Variants in ERG observed in about 807,000 individuals in gnomAD.
ERG encodes ETS transcription factor ERG.
A neutral mutation model predicts 55.3 loss-of-function variants in ERG; 9 were observed. The ratio of observed to expected loss-of-function variants is 0.16; its 90% CI spans 0.10 to 0.28. ERG has a LOEUF of 0.28. ERG is among the 10% of genes least tolerant of loss of function. The probability of loss-of-function intolerance (pLI) is 1.00; values close to 1 mark genes in which losing one functional copy is unlikely to be tolerated. For synonymous variants in ERG, 223 were observed against 237.3 expected (o/e 0.94, Z 0.55); for missense variants, 434 against 631.6 (o/e 0.69, Z 3.35).
At chr21:38,451,591 G>T (rs2058942412) in intron 1 of ERG, among the ~76,000 whole-genome samples, 2 of 152,192 alleles carry the variant, frequency 1.3e-5, no homozygotes, top group Non-Finnish European at 2.9e-5. Flanking sequence ...GCTGTCGCAG[G>T]CTCTATTGTT....
At position 38,438,239 on chromosome 21, in the gene ERG, G is replaced by A. The variant is rs1201183328; in HGVS notation, c.236+7165C>T. 3.3e-5 allele frequency among the ~76,000 whole-genome samples: 5 copies of A among 152,054 alleles called. No homozygotes were observed. In the East Asian group the frequency reaches 7.7e-4, roughly 23 times the overall value. On this transcript the variant is annotated intron_variant, in intron 2 of 9. Coordinates refer to ENST00000288319, the MANE Select transcript of ERG (RefSeq NM_182918.4). ...GCCACCTTCTTTAGAGCTGCCATCC[G>A]CTTCACGTCTTTATTTTTCTCCTTA...
At chr21:38,605,751 C>A (rs995612877) in intron 1 of ERG, among the ~76,000 whole-genome samples, 2 of 152,060 alleles carry the variant, frequency 1.3e-5, no homozygotes, top group Non-Finnish European at 2.9e-5. Flanking sequence ...CCTAAGGCTA[C>A]GTGCAGCAAA....
intron 8 of ERG, among the ~76,000 whole-genome samples, chr21:38,391,445 T>C (rs920483132): frequency 2.8e-4 from 42 of 152,222 alleles, no homozygotes; most frequent in African/African-American, 9.4e-4. Context: ...AGAATTTTTT[T>C]CCCTATTTAT....
intron 9 of ERG, among the ~76,000 whole-genome samples, chr21:38,390,037 C>T (rs559553384): frequency 2.0e-5 from 3 of 152,198 alleles, no homozygotes; most frequent in South Asian, 2.1e-4. Flanking sequence ...CACATTCCAT[C>T]TTGTGCTTGC....
At chr21:38,645,770 C>T (rs187548709) in intron 1 of ERG, among the ~76,000 whole-genome samples, 15 of 152,298 alleles carry the variant, frequency 9.8e-5, no homozygotes, top group African/African-American at 3.1e-4. Context: ...AAATGTATGT[C>T]CCTTTTACAT....
At chr21:38,493,746 C>T (rs901177588) in intron 1 of ERG, among the ~76,000 whole-genome samples, 3 of 152,166 alleles carry the variant, frequency 2.0e-5, no homozygotes, top group Admixed American at 1.3e-4. Flanking sequence ...CCACCTGCCC[C>T]TGTGTGTGGT....
At chr21:38,530,656 A>G (rs1410695601) in intron 2 of ERG, among the ~76,000 whole-genome samples, 2 of 152,204 alleles carry the variant, frequency 1.3e-5, no homozygotes, top group African/African-American at 4.8e-5. Flanking sequence ...ATTAGGCGAC[A>G]TCTTCATTTC....
intron 1 of ERG, among the ~76,000 whole-genome samples, chr21:38,606,575 T>C (rs926540844): frequency 3.9e-5 from 6 of 152,138 alleles, no homozygotes; most frequent in African/African-American, 1.4e-4. Context: ...CCAAACAGCA[T>C]GGATAAAAGA....
upstream of ERG, among the ~76,000 whole-genome samples, chr21:38,499,579 C>T (rs917426971): frequency 2.0e-5 from 3 of 151,998 alleles, no homozygotes; most frequent in Admixed American, 6.6e-5. Context: ...CAGAGCTGGA[C>T]GTTCAGTAAA....
At chr21:38,468,151 G>A (rs1357068909) in intron 1 of ERG, among the ~76,000 whole-genome samples, 1 of 152,150 alleles carries the variant, frequency 6.6e-6, no homozygotes, top group Admixed American at 6.5e-5. Context: ...AAAGCCCTTA[G>A]GTGGAATGAG....
intron 5 of ERG, among the ~76,000 whole-genome samples, chr21:38,400,870 C>A (rs1017422297): frequency 6.6e-6 from 1 of 152,028 alleles, no homozygotes; most frequent in South Asian, 2.1e-4. Flanking sequence ...TGCTATAAAG[C>A]GTTTTGTGTT....
intron 3 of ERG, among the ~76,000 whole-genome samples, chr21:38,421,235 T>C (rs1486322990): frequency 1.3e-5 from 2 of 152,198 alleles, no homozygotes; most frequent in Non-Finnish European, 1.5e-5. Context: ...TCTGTACCTG[T>C]CAACTGCCTT....
chr21:38,429,539 A>G (rs1176821675), intron 2 of ERG, among the ~76,000 whole-genome samples: 1 of 75,832 alleles, frequency 1.3e-5, no homozygotes, highest in Admixed American at 1.1e-4. Flanking sequence ...ATGTACATAT[A>G]TACATATGTG....
At chr21:38,407,773 AAAAAG>A (rs1270501200) in intron 3 of ERG, among the ~76,000 whole-genome samples, 7 of 146,514 alleles carry the variant, frequency 4.8e-5, no homozygotes, top group Non-Finnish European at 9.0e-5. Flanking sequence ...GTAAAAAAAC[AAAAAG>A]AAAAGTTAAA....
intron 2 of ERG, among the ~76,000 whole-genome samples, chr21:38,438,703 C>T (rs550700228): frequency 6.6e-6 from 1 of 152,340 alleles, no homozygotes; most frequent in African/African-American, 2.4e-5. Context: ...TATTTCTCAA[C>T]TCAGGCAAGG....
chr21:38,473,000 C>T (rs2059153373), intron 1 of ERG, among the ~76,000 whole-genome samples: 1 of 152,186 alleles, frequency 6.6e-6, no homozygotes, highest in Admixed American at 6.5e-5. Flanking sequence ...GCAGACCCGG[C>T]ATGAGGCAGG....
At chr21:38,567,429 A>C (rs747017587) in intron 2 of ERG, among the ~76,000 whole-genome samples, 10 of 152,196 alleles carry the variant, frequency 6.6e-5, no homozygotes, top group Admixed American at 2.0e-4. Flanking sequence ...ATGAAAGTAC[A>C]AAAAACGAAA....
downstream of ERG, among the ~76,000 whole-genome samples, chr21:38,377,571 TAAAATA>T (rs1987277693): frequency 6.6e-6 from 1 of 152,234 alleles, no homozygotes; most frequent in Admixed American, 6.5e-5. Flanking sequence ...AGAACTTACT[TAAAATA>T]AAAAGTTGTT....
intron 3 of ERG, among the ~76,000 whole-genome samples, chr21:38,406,851 T>C (rs1988797866): frequency 1.3e-5 from 2 of 152,194 alleles, no homozygotes; most frequent in Non-Finnish European, 1.5e-5. Context: ...GCCCCTTAAT[T>C]GGTTTCGCTC....
Sources: allele counts gnomAD v4.1 joint callset (sites outside exome capture counted in the v4.1 genomes callset), GRCh38; gene constraint gnomAD v4.1.1; transcripts MANE v1.5; gene names NCBI Gene and HGNC (gene_info 2026-07-23, HGNC 2026-07-21).